Variants in DLGAP1 observed in about 807,000 individuals in gnomAD.
DLGAP1 encodes DLG associated protein 1.
DLGAP1 carries 11 observed loss-of-function variants against 90.8 expected under a neutral mutation model. That is an observed-to-expected ratio of 0.12 (90% CI 0.08 to 0.20). The LOEUF is 0.20. Among genes scored for constraint, DLGAP1 ranks in the 10% least tolerant of loss-of-function variants. DLGAP1 has a pLI of 1.00. For missense variants in DLGAP1, 1,050 were observed against 1,333.8 expected, an observed-to-expected ratio of 0.79 and a Z score of 3.31; for synonymous variants, 558 against 540.7, an observed-to-expected ratio of 1.03 and a Z score of -0.44.
chr18:3,946,801 G>A (rs139443384), intron 3 of DLGAP1, among the ~76,000 whole-genome samples: 2 of 152,226 alleles, frequency 1.3e-5, no homozygotes, highest in African/African-American at 2.4e-5. Flanking sequence ...AAAATGATCT[G>A]AGTCACTGCT....
chr18:4,062,808 C>CT (rs1215628290), intron 2 of DLGAP1, among the ~76,000 whole-genome samples: 2 of 151,838 alleles, frequency 1.3e-5, no homozygotes, highest in Admixed American at 6.6e-5. Context: ...TTTTAACTTT[C>CT]TTTTTTTTCC....
chr18:4,008,989 T>C (rs147117380), intron 2 of DLGAP1, among the ~76,000 whole-genome samples: 16 of 152,172 alleles, frequency 1.1e-4, no homozygotes, highest in Non-Finnish European at 1.6e-4. Flanking sequence ...CTGCAAGCTC[T>C]GCCTCCCGGG....
At chr18:4,136,916 ATACTTT>A (rs2076411289) in intron 2 of DLGAP1, among the ~76,000 whole-genome samples, 1 of 151,920 alleles carries the variant, frequency 6.6e-6, no homozygotes, top group Admixed American at 6.6e-5. Flanking sequence ...TTTTTTTATT[ATACTTT>A]AAGTTTTAGG....
chr18:3,741,844 T>TC (rs1384340146), intron 6 of DLGAP1, among the ~76,000 whole-genome samples: 14 of 148,384 alleles, frequency 9.4e-5, no homozygotes, highest in Non-Finnish European at 8.8e-5. Context: ...TCTTTTTCTT[T>TC]TTCTTTTTTT....
intron 7 of DLGAP1, among the ~76,000 whole-genome samples, chr18:3,682,155 G>T (rs1005815061): frequency 6.7e-6 from 1 of 149,832 alleles, no homozygotes. Context: ...AATAACGAAC[G>T]AACTAACTAA....
chr18:3,771,447 T>G (rs2064535653), intron 5 of DLGAP1: 1 of 152,316 alleles, frequency 6.6e-6, no homozygotes, highest in South Asian at 2.1e-4. Context: ...GCGTCTGTGT[T>G]TCCCCGGAGA....
intron 12 of DLGAP1, 169 bp downstream of exon 12, chr18:3,502,324 A>C (rs1310471479): frequency 7.2e-7 from 1 of 1,388,706 alleles, no homozygotes; most frequent in Non-Finnish European, 9.3e-7. Context: ...CATATTACAG[A>C]TAATATCCCA....
At chr18:3,682,691 T>C (rs890593578) in intron 7 of DLGAP1, among the ~76,000 whole-genome samples, 3 of 152,180 alleles carry the variant, frequency 2.0e-5, no homozygotes, top group Non-Finnish European at 4.4e-5. Flanking sequence ...GAACTCAAAG[T>C]TCCTGTCGGC....
intron 2 of DLGAP1, among the ~76,000 whole-genome samples, chr18:4,009,572 T>G (rs919324619): frequency 1.3e-5 from 2 of 152,230 alleles, no homozygotes; most frequent in African/African-American, 4.8e-5. Context: ...TAAAGTCTCC[T>G]GGAGGACACA....
At chr18:4,028,820 A>T (rs556681155) in intron 2 of DLGAP1, among the ~76,000 whole-genome samples, 41 of 152,246 alleles carry the variant, frequency 2.7e-4, no homozygotes, top group African/African-American at 7.5e-4. Flanking sequence ...GCATCACATT[A>T]TTTCCCTGCT....
At chr18:3,547,301 CAAA>C (rs765095049) in intron 9 of DLGAP1, among the ~76,000 whole-genome samples, 2 of 45,430 alleles carry the variant, frequency 4.4e-5, no homozygotes, top group Non-Finnish European at 8.9e-5. Context: ...GACTCCGTCT[CAAA>C]AAAAAAAAAA....
chr18:4,362,689 A>G (rs2081655708), intron 1 of DLGAP1, among the ~76,000 whole-genome samples: 1 of 152,154 alleles, frequency 6.6e-6, no homozygotes, highest in South Asian at 2.1e-4. Context: ...GAATGTACTC[A>G]ACACCATTGA....
At chr18:4,406,919 T>C (rs527537487) in intron 1 of DLGAP1, among the ~76,000 whole-genome samples, 1 of 152,318 alleles carries the variant, frequency 6.6e-6, no homozygotes, top group Admixed American at 6.5e-5. Flanking sequence ...TGACTTTGGT[T>C]GGCAATTTGA....
chr18:3,715,815 C>T (rs1346811856), intron 7 of DLGAP1, among the ~76,000 whole-genome samples: 7 of 152,114 alleles, frequency 4.6e-5, no homozygotes, highest in Non-Finnish European at 1.0e-4. Context: ...ACACCATGAA[C>T]TGGTTTTATG....
chr18:3,800,183 C>T (rs997468710), intron 5 of DLGAP1, among the ~76,000 whole-genome samples: 1 of 152,036 alleles, frequency 6.6e-6, no homozygotes, highest in Non-Finnish European at 1.5e-5. Context: ...TTGCTTTTTG[C>T]TTCATTTTCA....
intron 3 of DLGAP1, among the ~76,000 whole-genome samples, chr18:3,891,753 G>A (rs1214028007): frequency 6.6e-6 from 1 of 152,090 alleles, no homozygotes; most frequent in Non-Finnish European, 1.5e-5. Flanking sequence ...ACTTGTCTGA[G>A]ATAATATATT....
At chr18:4,276,492 C>T (rs1032814376) in intron 1 of DLGAP1, among the ~76,000 whole-genome samples, 40 of 151,654 alleles carry the variant, frequency 2.6e-4, no homozygotes, top group Non-Finnish European at 4.6e-4. Flanking sequence ...GAAAATTAGC[C>T]GGGTGTGGTG....
intron 4 of DLGAP1, among the ~76,000 whole-genome samples, chr18:3,841,947 A>G (rs903564510): frequency 2.6e-5 from 4 of 152,124 alleles, no homozygotes; most frequent in Non-Finnish European, 5.9e-5. Context: ...CCTACCTAAG[A>G]TAGAAGAAGC....
intron 8 of DLGAP1, among the ~76,000 whole-genome samples, chr18:3,569,779 A>G (rs1416646242): frequency 6.6e-6 from 1 of 151,976 alleles, no homozygotes; most frequent in East Asian, 2.0e-4. Context: ...TGCCAGCTTT[A>G]TCTGATACCA....
Sources: gnomAD v4.1 joint callset for allele counts (sites outside exome capture counted in the v4.1 genomes callset) on GRCh38, gnomAD v4.1.1 for gene constraint, MANE v1.5 for transcripts, NCBI Gene and HGNC (gene_info 2026-07-23, HGNC 2026-07-21) for gene names.